The following CAMKMT variants were observed in gnomAD, a reference collection of about 807,000 sequenced individuals.
CAMKMT encodes calmodulin-lysine N-methyltransferase.
CAMKMT carries 53 observed loss-of-function variants against 48.0 expected under a neutral mutation model. That is an observed-to-expected ratio of 1.10 (90% confidence interval 0.89 to 1.39). CAMKMT has a LOEUF of 1.39. Ranked by LOEUF, CAMKMT falls within the 40% of genes most tolerant of loss-of-function variation. The pLI is 0.00. For missense variants in CAMKMT, 428 were observed against 402.7 expected (o/e 1.06, Z -0.54); for synonymous variants, 165 against 152.3 (o/e 1.08, Z -0.61).
chr2:44,367,779 A>G (rs992480942), intron 1 of CAMKMT, among the ~76,000 whole-genome samples: 2 of 152,234 alleles, frequency 1.3e-5, no homozygotes, highest in African/African-American at 2.4e-5. Context: ...ACTGTTACTC[A>G]TCTTCTCTAG....
intron 3 of CAMKMT, among the ~76,000 whole-genome samples, chr2:44,604,619 A>G (rs1449282836): frequency 6.6e-6 from 1 of 151,620 alleles, no homozygotes; most frequent in Non-Finnish European, 1.5e-5. Flanking sequence ...CTAAATACAC[A>G]TAGTAAAATA....
chr2:44,541,940 C>T (rs1667130517), intron 3 of CAMKMT, among the ~76,000 whole-genome samples: 1 of 151,950 alleles, frequency 6.6e-6, no homozygotes, highest in South Asian at 2.1e-4. Context: ...ACCAACTTGA[C>T]CAACATGGAG....
chr2:44,601,826 G>A (rs931437873), intron 3 of CAMKMT, among the ~76,000 whole-genome samples: 3 of 151,678 alleles, frequency 2.0e-5, no homozygotes, highest in Non-Finnish European at 2.9e-5. Flanking sequence ...TACTAAGAAG[G>A]ACAGTTTGGA....
intron 6 of CAMKMT, 92 bp from the exon 7 acceptor site, chr2:44,715,192 CAAA>C (rs35173334): frequency 0.031 from 12,749 of 416,672 alleles, no homozygotes; most frequent in South Asian, 0.044. Flanking sequence ...GACCCTGTCT[CAAA>C]AAAAAAAAAA....
In CAMKMT at chr2:44,364,333, A is replaced by G. The variant is rs78578059; in HGVS notation, c.138+2188A>G. Among the ~76,000 whole-genome samples the G allele has an allele frequency of 8.2e-3, 1,248 of 152,206 alleles. 15 individuals carry two copies. The highest frequency in any genetic ancestry group is 0.028 in the African/African-American group (1,177 of 41,516). On this transcript the variant is annotated intron_variant, in intron 1 of 10. Coordinates refer to ENST00000378494, the MANE Select transcript of CAMKMT (RefSeq NM_024766.5). ...TTTTATCTTCTCTACTTGGTGAATG[A>G]TTGTTCATTCTTCACACTTCCATTT...
chr2:44,667,758 T>C (rs147031631), intron 3 of CAMKMT, among the ~76,000 whole-genome samples: 62 of 152,286 alleles, frequency 4.1e-4, no homozygotes, highest in African/African-American at 1.5e-3. Flanking sequence ...CCCCAACTTC[T>C]TTTTCTACAG....
At chr2:44,451,784 A>C (rs759035154) in intron 3 of CAMKMT, among the ~76,000 whole-genome samples, 3 of 151,934 alleles carry the variant, frequency 2.0e-5, no homozygotes, top group Non-Finnish European at 4.4e-5. Context: ...TGGTAGGTAT[A>C]TGGTCTTCTC....
intron 3 of CAMKMT, among the ~76,000 whole-genome samples, chr2:44,551,963 G>A (rs1245078926): frequency 6.6e-6 from 1 of 152,110 alleles, no homozygotes; most frequent in African/African-American, 2.4e-5. Flanking sequence ...TGTAATATGG[G>A]TTTCTAACAT....
intron 3 of CAMKMT, among the ~76,000 whole-genome samples, chr2:44,493,647 C>G (rs1669620372): frequency 6.6e-6 from 1 of 152,140 alleles, no homozygotes; most frequent in Non-Finnish European, 1.5e-5. Flanking sequence ...ATTGACTTTT[C>G]CTTTTTGAAG....
chr2:44,692,861 A>T (rs2104227089), intron 3 of CAMKMT, among the ~76,000 whole-genome samples: 1 of 152,348 alleles, frequency 6.6e-6, no homozygotes, highest in Middle Eastern at 3.4e-3. Flanking sequence ...AGCCAGAATC[A>T]GACCCCAGAT....
At chr2:44,399,896 A>T (rs886610823) in intron 3 of CAMKMT, among the ~76,000 whole-genome samples, 4 of 152,202 alleles carry the variant, frequency 2.6e-5, no homozygotes, top group African/African-American at 9.6e-5. Flanking sequence ...ATTATTAACA[A>T]TGCTTACTTT....
At chr2:44,529,679 C>CCAGCTGGGCTAA (rs1297570354) in intron 3 of CAMKMT, among the ~76,000 whole-genome samples, 1 of 152,174 alleles carries the variant, frequency 6.6e-6, no homozygotes, top group Non-Finnish European at 1.5e-5. Flanking sequence ...CCACAGGAGA[C>CCAGCTGGGCTAA]CAGCTGGGCT....
chr2:44,468,433 C>G (rs1668242558), intron 3 of CAMKMT, among the ~76,000 whole-genome samples: 1 of 152,154 alleles, frequency 6.6e-6, no homozygotes, highest in Admixed American at 6.5e-5. Flanking sequence ...TTATGGAAAA[C>G]AGTATGGAGT....
chr2:44,410,887 A>ATCATTG (rs1683157312), intron 3 of CAMKMT, among the ~76,000 whole-genome samples: 2 of 152,186 alleles, frequency 1.3e-5, no homozygotes, highest in Non-Finnish European at 2.9e-5. Flanking sequence ...TGAAGCAATT[A>ATCATTG]CTTTTTAAAA....
chr2:44,580,616 CAA>C (rs1465788521), intron 3 of CAMKMT, among the ~76,000 whole-genome samples: 1 of 152,140 alleles, frequency 6.6e-6, no homozygotes, highest in African/African-American at 2.4e-5. Context: ...GCTACAGTGT[CAA>C]AAGAATAGGG....
intron 3 of CAMKMT, among the ~76,000 whole-genome samples, chr2:44,610,196 G>GA (rs1553425161): frequency 6.6e-6 from 1 of 151,988 alleles, no homozygotes; most frequent in Non-Finnish European, 1.5e-5. Context: ...AGTCTCTGAG[G>GA]AAAAAAGGAA....
chr2:44,373,997 G>T (rs1000918921), intron 2 of CAMKMT, among the ~76,000 whole-genome samples: 1 of 151,646 alleles, frequency 6.6e-6, no homozygotes, highest in East Asian at 1.9e-4. Flanking sequence ...GGTGGCATGT[G>T]CCTATGGTCT....
At chr2:44,695,006 C>G (rs1463145803) in intron 3 of CAMKMT, among the ~76,000 whole-genome samples, 3 of 152,170 alleles carry the variant, frequency 2.0e-5, no homozygotes, top group Admixed American at 1.3e-4. Context: ...TTAGAGAATA[C>G]TTTACCTAGA....
chr2:44,752,104 C>A (rs1680178012), intron 8 of CAMKMT, among the ~76,000 whole-genome samples: 1 of 152,024 alleles, frequency 6.6e-6, no homozygotes, highest in Non-Finnish European at 1.5e-5. Flanking sequence ...AGTATCACTG[C>A]TTTTCGGTGC....
Sources: allele counts gnomAD v4.1 joint callset (sites outside exome capture counted in the v4.1 genomes callset), GRCh38; gene constraint gnomAD v4.1.1; transcripts MANE v1.5; gene names NCBI Gene and HGNC (gene_info 2026-07-23, HGNC 2026-07-21).